Variants in CSMD3 observed in about 807,000 individuals in gnomAD.
CSMD3 encodes the protein CUB and Sushi multiple domains 3.
In CSMD3, 177 loss-of-function variants were observed where a neutral mutation model predicts 435.2. The ratio of observed to expected loss-of-function variants is 0.41; its 90% CI spans 0.36 to 0.46. CSMD3 has a LOEUF of 0.46. Ranked by LOEUF, CSMD3 falls within the 20% of genes least tolerant of loss-of-function variation. The probability of loss-of-function intolerance (pLI) is 0.34; values close to 1 mark genes in which losing one functional copy is unlikely to be tolerated. For synonymous variants in CSMD3, 1,656 were observed against 1,520.5 expected (o/e 1.09, Z -2.07); for missense variants, 4,265 against 4,504.6 (o/e 0.95, Z 1.52).
intron 5 of CSMD3, among the ~76,000 whole-genome samples, chr8:113,028,590 C>A (rs534622423): frequency 4.4e-4 from 66 of 151,538 alleles, no homozygotes; most frequent in African/African-American, 1.4e-3. Flanking sequence ...AGTGAACACA[C>A]AAATTATAAG....
chr8:112,920,297 T>C (rs191945879), intron 10 of CSMD3, among the ~76,000 whole-genome samples: 24 of 152,036 alleles, frequency 1.6e-4, no homozygotes, highest in Admixed American at 1.4e-3. Context: ...TTGATGTTTG[T>C]TCCTACAAGT....
At chr8:113,164,186 T>C (rs1358234738) in intron 4 of CSMD3, among the ~76,000 whole-genome samples, 1 of 152,020 alleles carries the variant, frequency 6.6e-6, no homozygotes, top group Admixed American at 6.6e-5. Flanking sequence ...CTTGGTTTCA[T>C]CTTACTCTCC....
At chr8:113,373,474 A>G (rs1158814327) in intron 1 of CSMD3, among the ~76,000 whole-genome samples, 3 of 152,126 alleles carry the variant, frequency 2.0e-5, no homozygotes, top group Non-Finnish European at 4.4e-5. Context: ...AAAATTGCTT[A>G]AATACGTATA....
chr8:112,553,282 G>C (rs558966618), intron 25 of CSMD3, among the ~76,000 whole-genome samples: 1 of 151,852 alleles, frequency 6.6e-6, no homozygotes, highest in South Asian at 2.1e-4. Flanking sequence ...GATTTAATGT[G>C]GTCTCTAATT....
chr8:112,931,650 G>A (rs1371542272), intron 9 of CSMD3, among the ~76,000 whole-genome samples: 2 of 151,904 alleles, frequency 1.3e-5, no homozygotes, highest in Non-Finnish European at 2.9e-5. Context: ...AATCAACAAA[G>A]TAAAAAGACA....
intron 2 of CSMD3, among the ~76,000 whole-genome samples, chr8:113,288,926 A>G (rs556337564): frequency 1.3e-5 from 2 of 151,920 alleles, no homozygotes; most frequent in South Asian, 4.1e-4. Flanking sequence ...ACAGTTGCTG[A>G]CATATGCTGA....
At chr8:112,827,240 A>G (rs2079725319) in intron 12 of CSMD3, among the ~76,000 whole-genome samples, 1 of 133,450 alleles carries the variant, frequency 7.5e-6, no homozygotes. Flanking sequence ...GATACCAATT[A>G]GCTCAAATAG....
chr8:113,267,438 T>A (rs559980339), intron 3 of CSMD3, among the ~76,000 whole-genome samples: 12 of 151,808 alleles, frequency 7.9e-5, no homozygotes, highest in Non-Finnish European at 1.6e-4. Context: ...TCATGCCATT[T>A]GCAGCAACAT....
chr8:112,478,761 C>T (rs1200354008), intron 31 of CSMD3, among the ~76,000 whole-genome samples: 2 of 152,170 alleles, frequency 1.3e-5, no homozygotes, highest in Admixed American at 6.5e-5. Context: ...ACTGCTGGTC[C>T]TGGATGAAAC....
intron 27 of CSMD3, among the ~76,000 whole-genome samples, chr8:112,532,116 G>A (rs1181734062): frequency 1.3e-5 from 1 of 79,866 alleles, no homozygotes; most frequent in Non-Finnish European, 2.5e-5. Flanking sequence ...TGTCTCAACA[G>A]CAGAATTGAT....
At chr8:113,204,824 A>T (rs1205837018) in intron 3 of CSMD3, among the ~76,000 whole-genome samples, 1 of 152,144 alleles carries the variant, frequency 6.6e-6, no homozygotes, top group African/African-American at 2.4e-5. Flanking sequence ...ATAAAGATAT[A>T]CCCGAGACTG....
At chr8:112,748,035 G>C (rs569723378) in intron 13 of CSMD3, among the ~76,000 whole-genome samples, 2 of 149,380 alleles carry the variant, frequency 1.3e-5, no homozygotes, top group Non-Finnish European at 3.0e-5. Flanking sequence ...TCTAGCTCTT[G>C]TTTTAAGCAA....
intron 6 of CSMD3, among the ~76,000 whole-genome samples, chr8:112,991,709 T>C (rs898163892): frequency 2.0e-5 from 3 of 151,754 alleles, no homozygotes; most frequent in Non-Finnish European, 4.4e-5. Context: ...AAACAAAAGA[T>C]GAGACACAAA....
chr8:112,578,000 C>T (rs1830070985), intron 23 of CSMD3, among the ~76,000 whole-genome samples: 1 of 152,098 alleles, frequency 6.6e-6, no homozygotes, highest in Middle Eastern at 3.4e-3. Flanking sequence ...ATTTATTCCT[C>T]CTCTTGGATC....
intron 30 of CSMD3, among the ~76,000 whole-genome samples, chr8:112,499,845 G>T (rs1243812864): frequency 1.3e-5 from 2 of 151,974 alleles, no homozygotes; most frequent in Non-Finnish European, 2.9e-5. Context: ...TTGGCCAGGC[G>T]TGGTGGCTTA....
intron 6 of CSMD3, among the ~76,000 whole-genome samples, chr8:113,009,770 C>A (rs946937099): frequency 6.6e-6 from 1 of 151,700 alleles, no homozygotes; most frequent in Non-Finnish European, 1.5e-5. Flanking sequence ...GAAATTATTA[C>A]CTTTCCCAAT....
intron 13 of CSMD3, among the ~76,000 whole-genome samples, chr8:112,793,447 A>G (rs1238165701): frequency 6.6e-6 from 1 of 151,986 alleles, no homozygotes; most frequent in African/African-American, 2.4e-5. Flanking sequence ...TAAAATAAAG[A>G]AAGACATGTA....
intron 8 of CSMD3, among the ~76,000 whole-genome samples, chr8:112,950,072 A>G (rs1473746275): frequency 6.6e-6 from 1 of 151,988 alleles, no homozygotes; most frequent in Non-Finnish European, 1.5e-5. Flanking sequence ...AATTATCTTA[A>G]TACAGTATAA....
intron 22 of CSMD3, among the ~76,000 whole-genome samples, chr8:112,617,721 G>T (rs1225330930): frequency 6.6e-6 from 1 of 152,104 alleles, no homozygotes; most frequent in African/African-American, 2.4e-5. Context: ...TGATTTCAAT[G>T]ATTATGATTT....
Sources: allele counts gnomAD v4.1 joint callset (sites outside exome capture counted in the v4.1 genomes callset), GRCh38; gene constraint gnomAD v4.1.1; transcripts MANE v1.5; gene names NCBI Gene and HGNC (gene_info 2026-07-23, HGNC 2026-07-21).